Variants in VARS1 observed in about 807,000 individuals in gnomAD.
VARS1 encodes valine--tRNA ligase.
In VARS1, 92 loss-of-function variants were observed where a neutral mutation model predicts 161.0. That is an observed-to-expected ratio of 0.57 (90% confidence interval 0.48 to 0.68). The LOEUF (loss-of-function observed/expected upper bound fraction) is 0.68, where lower values mean the gene tolerates loss of function less well. Among genes scored for constraint, VARS1 ranks in the 30% least tolerant of loss-of-function variants. The pLI, the probability that VARS1 is intolerant of heterozygous loss-of-function variation, is 0.00. For synonymous variants in VARS1, 595 were observed against 682.5 expected (o/e 0.87, Z 2.00); for missense variants, 1,338 against 1,695.9 (o/e 0.79, Z 3.71).
At position 31,779,071 on chromosome 6, in the gene VARS1, G is replaced by A. The variant is rs776596987; in HGVS notation, c.3622C>T (p.Arg1208Ter). The A allele has an allele frequency of 8.7e-6, 14 of 1,612,382 alleles. No individual in the cohort carries two copies. In the Admixed American group the frequency reaches 1.3e-4, roughly 15 times the overall value. ...TGGGCCTGCCGCTGGGCCTCAACTC[G>A]CTTGGCTTGCAGCTTGCCCAGCTCC... The part of the protein sequence containing the change: ...ARELGKLQAK[R>*]VEAQRQAQRL... The change falls in exon 29 of 30, where the codon CGA (arginine) becomes TGA (stop). Residue 1208 changes from arginine to a stop codon, truncating the protein, a stop_gained. Transcript: ENST00000375663. LOFTEE classifies it high-confidence loss of function. This position sits in a 1 kb window ranked among gnomAD's most constrained non-coding sequence, Gnocchi z 9.1.
chr6:31,787,681 T>C (rs187921621), intron 8 of VARS1, among the ~76,000 whole-genome samples: 1 of 150,708 alleles, frequency 6.6e-6, no homozygotes, highest in Non-Finnish European at 1.5e-5. Context: ...TGTTTTCATG[T>C]AAACAAACTT....
rs149115443 is a variant in VARS1 at position 31,781,502 on chromosome 6, C to T, written c.2523G>A (p.Thr841=). 2.2e-4 allele frequency: 353 copies of T among 1,612,812 alleles called. 1 individual carries two copies. Among genetic ancestry groups the T allele is most frequent in the Middle Eastern group, 2.0e-3 (12 of 5,980 alleles). ...GCACCTCTCTAAAGGGCAGCCTGCC[C>T]GTGAGCTTCAGGCCCAGCATGACCA... ...ARMVMLGLKL[T]GRLPFREVYL... is the part of the protein sequence containing the mutation. The change falls in exon 21 of 30, where the codon ACG becomes ACA. Residue 841 remains threonine, a synonymous_variant. Coordinates refer to ENST00000375663, the MANE Select transcript of VARS1 (RefSeq NM_006295.3). This position sits in a 1 kb window ranked among gnomAD's most constrained non-coding sequence, Gnocchi z 6.8.
At position 31,781,155 on chromosome 6, in the gene VARS1, C is replaced by T. The variant is rs770624833; in HGVS notation, c.2545-32G>A. 3.7e-6 allele frequency: 6 copies of T among 1,608,100 alleles called. No individual in the cohort carries two copies. In the African/African-American group the frequency reaches 8.0e-5, roughly 21 times the overall value. ...AGCAGGTGGGGAGGCCCATGAGACT[C>T]AGTCCTCTCCTTCCCCGGCCTCAGT... is the stretch of plus-strand genomic sequence containing the variant. On this transcript the variant is annotated intron_variant, in intron 21 of 29. Coordinates refer to ENST00000375663, the MANE Select transcript of VARS1 (RefSeq NM_006295.3). This position sits in a 1 kb window ranked among gnomAD's most constrained non-coding sequence, Gnocchi z 6.8.
rs897452938 is a variant in VARS1 at position 31,791,255 on chromosome 6, T to C, written c.1100+355A>G. On this transcript the variant is annotated intron_variant, in intron 8 of 29. Transcript: ENST00000375663. The surrounding 1 kb of genome is among the most constrained non-coding windows in gnomAD (Gnocchi z 5.0). ...GACTGGGTGTGGTGCCTCACACCTA[T>C]AATCCCAGCACTCTGGGAGTCTGAG... 2.0e-5 allele frequency among the ~76,000 whole-genome samples: 3 copies of C among 152,100 alleles called. No individual in the cohort carries two copies. The highest frequency in any genetic ancestry group is 4.4e-5 in the Non-Finnish European group (3 of 68,036).
intron 8 of VARS1, among the ~76,000 whole-genome samples, chr6:31,788,194 T>C (rs148097459): frequency 6.6e-6 from 1 of 152,166 alleles, no homozygotes; most frequent in Non-Finnish European, 1.5e-5. Context: ...GGCCATTGTA[T>C]GTTATGTGTA....
intron 8 of VARS1, among the ~76,000 whole-genome samples, chr6:31,789,025 T>A (rs115050884): frequency 0.046 from 6,990 of 151,846 alleles, 299 homozygotes; most frequent in African/African-American, 0.11. Flanking sequence ...TAAACCCTGG[T>A]TTCCAAAAAT....
chr6:31,795,219 G>C lies in VARS1; in HGVS notation c.-2C>G. Reference sequence around the variant, plus strand: ...AGGGGAGACGTAGAGGGTGGACATAGTTATGAGAAGGTCCGAACGAAGTGG... The same window carrying C: ...AGGGGAGACGTAGAGGGTGGACATACTTATGAGAAGGTCCGAACGAAGTGG... On this transcript the variant is annotated 5_prime_UTR_variant, in exon 2 of 30. Coordinates refer to ENST00000375663, the MANE Select transcript of VARS1 (RefSeq NM_006295.3). The surrounding 1 kb of genome is among the most constrained non-coding windows in gnomAD (Gnocchi z 6.9). 7.0e-7 allele frequency: 1 copy of C among 1,427,776 alleles called. No individual in the cohort carries two copies. The highest frequency in any genetic ancestry group is 1.4e-5 in the African/African-American group (1 of 70,752). The allele number at this position is 1,427,776 out of a possible 1,614,324, so 88.4% of individuals were successfully genotyped here.
Position 31,779,302 on chromosome 6 carries a change from A to C in VARS1, c.3401-10T>G. On this transcript the variant is annotated splice_polypyrimidine_tract_variant and intron_variant, in intron 28 of 29. Coordinates refer to ENST00000375663, the MANE Select transcript of VARS1 (RefSeq NM_006295.3). The surrounding 1 kb of genome is among the most constrained non-coding windows in gnomAD (Gnocchi z 9.1). Reference sequence around the variant, plus strand: ...GCCACTTCCAGGAAACCTGCCAGGGAGGGAGAAAGGTGAGGCCTAGCTCCA... The same window carrying C: ...GCCACTTCCAGGAAACCTGCCAGGGCGGGAGAAAGGTGAGGCCTAGCTCCA... 6.2e-7 allele frequency: 1 copy of C among 1,601,802 alleles called. No individual in the cohort carries two copies. Among genetic ancestry groups the C allele is most frequent in the Non-Finnish European group, 8.5e-7 (1 of 1,179,510 alleles).
Position 31,779,714 on chromosome 6 carries a change from G to A in VARS1, c.3182C>T (p.Ser1061Leu). Residue 1061 changes from serine (S) to leucine (L), a missense_variant, in exon 27 of 30, where the codon TCA (serine) becomes TTA (leucine). By Grantham distance (145) the Ser-to-Leu change is moderately radical. Transcript: ENST00000375663. This position sits in a 1 kb window ranked among gnomAD's most constrained non-coding sequence, Gnocchi z 9.1. Reference protein sequence around the residue: ...TCLDVGLRLLSPFMPFVTEEL... With the variant: ...TCLDVGLRLLLPFMPFVTEEL... ...CTCCGTCACGAAGGGCATGAAGGGTGAGAGCAGCCGCAGGCCAACGTCCAG... is the reference window on the plus strand; with the variant it reads ...CTCCGTCACGAAGGGCATGAAGGGTAAGAGCAGCCGCAGGCCAACGTCCAG... 6.2e-7 allele frequency: 1 copy of A among 1,613,032 alleles called. No homozygotes were observed. Among genetic ancestry groups the A allele is most frequent in the Non-Finnish European group, 8.5e-7 (1 of 1,180,016 alleles).
At chr6:31,794,368 G>C (rs1814112299) in intron 2 of VARS1, among the ~76,000 whole-genome samples, 1 of 152,146 alleles carries the variant, frequency 6.6e-6, no homozygotes, top group Non-Finnish European at 1.5e-5. Context: ...CCTTTGGAAG[G>C]ACTGATAGTT....
At chr6:31,786,143 C>T (rs1272278044) in intron 8 of VARS1, among the ~76,000 whole-genome samples, 1 of 152,154 alleles carries the variant, frequency 6.6e-6, no homozygotes, top group South Asian at 2.1e-4. Flanking sequence ...GCCTGTAATC[C>T]CAGCTACTTG....
rs761382211 is a variant in VARS1, at chr6:31,795,255, G to A, written c.-33-5C>T. Reference sequence around the variant, plus strand: ...GTCCGAACGAAGTGGAAAAACCTAAGGAGAAAGAGAGACAGGGGAAGACTG... The same window carrying A: ...GTCCGAACGAAGTGGAAAAACCTAAAGAGAAAGAGAGACAGGGGAAGACTG... On this transcript the variant is annotated splice_polypyrimidine_tract_variant and splice_region_variant and intron_variant, in intron 1 of 29. Transcript: ENST00000375663. This position sits in a 1 kb window ranked among gnomAD's most constrained non-coding sequence, Gnocchi z 6.9. 1.2e-5 allele frequency: 17 copies of A among 1,387,348 alleles called. No individual in the cohort carries two copies. The African/African-American group carries it at 2.0e-4, about 16-fold the overall frequency. 85.9% of individuals were successfully genotyped at this position (1,387,348 alleles called of 1,614,324 possible). A position where few individuals can be genotyped will look rare whatever the true frequency, so the allele number is the denominator to read the frequency against.
In VARS1 at chr6:31,780,708, G is replaced by C. The variant is rs750779381; in HGVS notation, c.2794C>G (p.Gln932Glu). Reference protein sequence around the residue: ...LRFGLCAYMSQGRDINLDVNR... With the variant: ...LRFGLCAYMSEGRDINLDVNR... ...AGGGACGCTTTGGGGGCCATACCCTGGGACATGTAGGCACATAATCCAAAC... is the reference window on the plus strand; with the variant it reads ...AGGGACGCTTTGGGGGCCATACCCTCGGACATGTAGGCACATAATCCAAAC... Residue 932 changes from glutamine (Q) to glutamate (E), a missense_variant, in exon 24 of 30, where the codon CAG becomes GAG. By Grantham distance (29) the Gln-to-Glu change is conservative. Coordinates refer to ENST00000375663, the MANE Select transcript of VARS1 (RefSeq NM_006295.3). The surrounding 1 kb of genome is among the most constrained non-coding windows in gnomAD (Gnocchi z 5.1). 6.2e-7 allele frequency: 1 copy of C among 1,614,150 alleles called. No homozygotes were observed.
rs756992361 is a variant in VARS1, at chr6:31,781,577, C to T, written c.2448G>A (p.Gly816=). The T allele has an allele frequency of 2.5e-5, 40 of 1,612,872 alleles. No individual in the cohort carries two copies. Among genetic ancestry groups the T allele is most frequent in the Non-Finnish European group, 1.7e-6 (2 of 1,180,000 alleles). ...TGTCATGACCGGTCTCCAGCAGTGT[C>T]CCGGGGTAGAACACACTCAGGTCTT... ...QSEDLSVFYP[G]TLLETGHDIL... Residue 816 remains glycine (G), a synonymous_variant, in exon 21 of 30, where the codon GGG becomes GGA. Transcript: ENST00000375663. This position sits in a 1 kb window ranked among gnomAD's most constrained non-coding sequence, Gnocchi z 6.8.
At position 31,784,820 on chromosome 6, in the gene VARS1, C is replaced by T; in HGVS notation, c.1348-106G>A. The stretch of plus-strand genomic sequence containing the variant: ...CTTGCCCATACAGAGTCCCACTGGC[C>T]AGCACAAAGACCCCTCTGAGGGGAG... On this transcript the variant is annotated intron_variant, in intron 10 of 29. Coordinates refer to ENST00000375663, the MANE Select transcript of VARS1 (RefSeq NM_006295.3). The surrounding 1 kb of genome is among the most constrained non-coding windows in gnomAD (Gnocchi z 6.1). 1.3e-6 allele frequency: 2 copies of T among 1,529,016 alleles called. No individual in the cohort carries two copies. The highest frequency in any genetic ancestry group is 1.2e-5 in the South Asian group (1 of 83,284). The allele number at this position is 1,529,016 out of a possible 1,614,324, so 94.7% of individuals were successfully genotyped here. A position where few individuals can be genotyped will look rare whatever the true frequency, so the allele number is the denominator to read the frequency against.
In VARS1 at chr6:31,791,683, G is replaced by T. The variant is rs1813879012; in HGVS notation, c.1027C>A (p.Pro343Thr). ...TGCAGGGAGCCTGTCACATTGGGGGGTGGGATGCACATCATGAAGACACCT... is the reference window on the plus strand; with the variant it reads ...TGCAGGGAGCCTGTCACATTGGGGGTTGGGATGCACATCATGAAGACACCT... ...PRGVFMMCIP[P>T]PNVTGSLHLG... Residue 343 changes from proline (P) to threonine (T), a missense_variant, in exon 8 of 30, where the codon CCC becomes ACC. Physicochemically the swap from Pro to Thr is conservative, Grantham distance 38 (BLOSUM62 -1). Around this residue, in one of 3 missense-constraint regions of VARS1, gnomAD observed 902 missense variants for 1,090.3 expected, o/e 0.83. Coordinates refer to ENST00000375663, the MANE Select transcript of VARS1 (RefSeq NM_006295.3). The surrounding 1 kb of genome is among the most constrained non-coding windows in gnomAD (Gnocchi z 5.0). The T allele has an allele frequency of 1.9e-6, 3 of 1,612,960 alleles. No homozygotes were observed. Among genetic ancestry groups the T allele is most frequent in the Non-Finnish European group, 2.5e-6 (3 of 1,180,034 alleles).
intron 8 of VARS1, among the ~76,000 whole-genome samples, chr6:31,788,298 G>A (rs1309764491): frequency 1.3e-5 from 2 of 151,784 alleles, no homozygotes; most frequent in Non-Finnish European, 1.5e-5. Context: ...TCAGGAGCTC[G>A]AAACAAGCCT....
chr6:31,787,401 T>A (rs1813574817), intron 8 of VARS1, among the ~76,000 whole-genome samples: 1 of 152,116 alleles, frequency 6.6e-6, no homozygotes, highest in Non-Finnish European at 1.5e-5. Context: ...TCCCAGCACT[T>A]TGGGAGGCCG....
Position 31,781,660 on chromosome 6 carries a change from G to A in VARS1, c.2418+31C>T, listed in dbSNP as rs1339906982. Reference sequence around the variant, plus strand: ...GCCAACACCCACCCTCCAGTCCCCTGTCCCGCCAAGCCCCGGCCCCAGGAA... The same window carrying A: ...GCCAACACCCACCCTCCAGTCCCCTATCCCGCCAAGCCCCGGCCCCAGGAA... On this transcript the variant is annotated intron_variant, in intron 20 of 29. Transcript: ENST00000375663. This position sits in a 1 kb window ranked among gnomAD's most constrained non-coding sequence, Gnocchi z 6.8. 4 of 1,612,802 alleles carry A rather than the reference G, an allele frequency of 2.5e-6. No individual in the cohort carries two copies. The highest frequency in any genetic ancestry group is 3.4e-6 in the Non-Finnish European group (4 of 1,179,958).
Sources: gnomAD v4.1 joint callset for allele counts (sites outside exome capture counted in the v4.1 genomes callset) on GRCh38, gnomAD v4.1.1 for gene constraint, gnomAD v4.1.1 regional missense constraint, Gnocchi (gnomAD v3.1) non-coding constraint, MANE v1.5 for transcripts, NCBI Gene and HGNC (gene_info 2026-07-23, HGNC 2026-07-21) for gene names.